GRM7: variants seen among roughly 807,000 people sequenced by gnomAD.
GRM7 encodes the protein glutamate metabotropic receptor 7, also known as metabotropic glutamate receptor 7.
In GRM7, 35 loss-of-function variants were observed where a neutral mutation model predicts 84.5. The ratio of observed to expected loss-of-function variants is 0.41; its 90% CI spans 0.32 to 0.55. GRM7 has a LOEUF of 0.55. Ranked by LOEUF, GRM7 falls within the 20% of genes least tolerant of loss-of-function variation. The pLI is 0.19. For missense variants in GRM7, 1,003 were observed against 1,194.6 expected, an observed-to-expected ratio of 0.84 and a Z score of 2.36; for synonymous variants, 487 against 455.1, an observed-to-expected ratio of 1.07 and a Z score of -0.89.
intron 2 of GRM7, among the ~76,000 whole-genome samples, chr3:7,221,804 A>ATTTTTTTTTTTTTTTT (rs540956206): frequency 4.1e-5 from 4 of 97,352 alleles, no homozygotes; most frequent in East Asian, 3.0e-4. Flanking sequence ...AATTTCTTGT[A>ATTTTTTTTTTTTTTTT]TTTTTTTTTT....
At chr3:7,063,167 GTC>G (rs1272101886) in intron 1 of GRM7, among the ~76,000 whole-genome samples, 2 of 151,718 alleles carry the variant, frequency 1.3e-5, no homozygotes, top group Admixed American at 6.6e-5. Context: ...ATGGGTATGG[GTC>G]TTGTGACACA....
intron 9 of GRM7, among the ~76,000 whole-genome samples, chr3:7,735,473 T>C (rs1702472217): frequency 6.8e-6 from 1 of 147,242 alleles, no homozygotes; most frequent in Admixed American, 6.7e-5. Context: ...TATTTCTTTT[T>C]TGATTTGCTA....
In GRM7 at chr3:7,031,215, T is replaced by C. The variant is rs74360707; in HGVS notation, c.520-115237T>C. 1.4e-3 allele frequency among the ~76,000 whole-genome samples: 210 copies of C among 152,174 alleles called. No homozygotes were observed. The Middle Eastern group carries it at 0.024, about 17-fold the overall frequency. On this transcript the variant is annotated intron_variant, in intron 1 of 9. Coordinates refer to ENST00000357716, the MANE Select transcript of GRM7 (RefSeq NM_000844.4). Reference sequence around the variant, plus strand: ...TTCTCTCCTTGTTTTATACTCAGTATGTTTGCTGTCTTTTGCTACAATCAA... The same window carrying C: ...TTCTCTCCTTGTTTTATACTCAGTACGTTTGCTGTCTTTTGCTACAATCAA...
chr3:7,456,810 G>A (rs903842143), intron 6 of GRM7, among the ~76,000 whole-genome samples: 5 of 151,922 alleles, frequency 3.3e-5, no homozygotes, highest in Non-Finnish European at 7.4e-5. Context: ...CCAAGACACT[G>A]CAGTATTCAT....
intron 5 of GRM7, among the ~76,000 whole-genome samples, chr3:7,421,465 G>A (rs905477194): frequency 1.3e-5 from 2 of 152,122 alleles, no homozygotes; most frequent in African/African-American, 4.8e-5. Flanking sequence ...CTATTGTTTT[G>A]TAGAAATTCA....
chr3:7,258,611 A>T (rs930329979), intron 2 of GRM7, among the ~76,000 whole-genome samples: 6 of 152,242 alleles, frequency 3.9e-5, no homozygotes, highest in African/African-American at 1.4e-4. Context: ...CCAATTTTTA[A>T]AAAGTAGATA....
At chr3:7,283,599 T>C (rs1268584482) in intron 2 of GRM7, among the ~76,000 whole-genome samples, 1 of 152,098 alleles carries the variant, frequency 6.6e-6, no homozygotes, top group East Asian at 1.9e-4. Flanking sequence ...GAGAAAGATT[T>C]GGAGGGGGTT....
chr3:7,367,075 T>G (rs1693925773), intron 4 of GRM7, among the ~76,000 whole-genome samples: 1 of 151,892 alleles, frequency 6.6e-6, no homozygotes, highest in Non-Finnish European at 1.5e-5. Context: ...GTTGTGCTAG[T>G]TAAGGTTTTC....
chr3:7,302,422 A>G (rs1252639597), intron 3 of GRM7, among the ~76,000 whole-genome samples: 2 of 152,146 alleles, frequency 1.3e-5, no homozygotes, highest in Admixed American at 1.3e-4. Flanking sequence ...ATTTTACATA[A>G]ATATACTAAA....
chr3:7,254,598 G>A, intron 2 of GRM7, among the ~76,000 whole-genome samples: 1 of 152,188 alleles, frequency 6.6e-6, no homozygotes, highest in East Asian at 1.9e-4. Flanking sequence ...AGGAATGAGT[G>A]TCACTTTCTT....
chr3:7,184,233 C>A (rs772762116), intron 2 of GRM7, among the ~76,000 whole-genome samples: 1 of 152,040 alleles, frequency 6.6e-6, no homozygotes, highest in Non-Finnish European at 1.5e-5. Flanking sequence ...ATAAGCTATT[C>A]CCTTCTCCGA....
intron 2 of GRM7, among the ~76,000 whole-genome samples, chr3:7,229,760 T>TATATATA (rs68069165): frequency 1.2e-3 from 28 of 23,444 alleles, no homozygotes; most frequent in South Asian, 1.8e-3. Flanking sequence ...TATATATATA[T>TATATATA]TTTTTTTTTT....
intron 1 of GRM7, among the ~76,000 whole-genome samples, chr3:6,902,850 T>TACACACACAGACAC (rs1696438136): frequency 7.4e-6 from 1 of 134,432 alleles, no homozygotes; most frequent in Non-Finnish European, 1.7e-5. Context: ...AACAGACTCC[T>TACACACACAGACAC]ACACACACAC....
chr3:7,347,149 G>T (rs17047182), intron 4 of GRM7, among the ~76,000 whole-genome samples: 76 of 152,052 alleles, frequency 5.0e-4, no homozygotes, highest in Admixed American at 1.6e-3. Context: ...AAATGTCATC[G>T]CAGTTCCAAA....
intron 1 of GRM7, among the ~76,000 whole-genome samples, chr3:6,929,140 C>G (rs1021808794): frequency 6.6e-5 from 10 of 152,176 alleles, no homozygotes; most frequent in Admixed American, 1.3e-4. Flanking sequence ...AAATCACAGT[C>G]AAAGCATTCT....
At chr3:7,205,859 C>G (rs1309331492) in intron 2 of GRM7, among the ~76,000 whole-genome samples, 2 of 152,200 alleles carry the variant, frequency 1.3e-5, no homozygotes, top group Non-Finnish European at 2.9e-5. Flanking sequence ...TTTGAACCAT[C>G]TAAGTGTTAA....
intron 1 of GRM7, among the ~76,000 whole-genome samples, chr3:6,932,900 A>C (rs974291548): frequency 1.5e-5 from 2 of 135,200 alleles, no homozygotes; most frequent in East Asian, 4.5e-4. Flanking sequence ...GATCACAGGC[A>C]CCTACCACCA....
In GRM7 at chr3:7,558,249, T is replaced by G. The variant is rs538088970; in HGVS notation, c.1516-20173T>G. Among the ~76,000 whole-genome samples the G allele has an allele frequency of 9.9e-5, 15 of 152,246 alleles. No individual in the cohort carries two copies. In the South Asian group the frequency reaches 3.1e-3, roughly 32 times the overall value. On this transcript the variant is annotated intron_variant, in intron 7 of 9. Coordinates refer to ENST00000357716, the MANE Select transcript of GRM7 (RefSeq NM_000844.4). ...TCAGGGGAATAATTCTTACCTTATG[T>G]AGTTTTTAATGAGGATTAGAGATAG...
rs573299515 is a variant in GRM7 at position 7,566,869 on chromosome 3, C to T, written c.1516-11553C>T. On this transcript the variant is annotated intron_variant, in intron 7 of 9. Coordinates refer to ENST00000357716, the MANE Select transcript of GRM7 (RefSeq NM_000844.4). The stretch of plus-strand genomic sequence containing the variant: ...TTTACTTAGGGGTATAGAAAGGTTT[C>T]GCAAAGACAGACCTAGATTTACTTT... Among the ~76,000 whole-genome samples the T allele has an allele frequency of 1.5e-3, 233 of 152,184 alleles. 1 individual carries two copies. The highest frequency in any genetic ancestry group is 2.9e-3 in the Non-Finnish European group (195 of 68,006).
Sources: allele counts gnomAD v4.1 joint callset (sites outside exome capture counted in the v4.1 genomes callset), GRCh38; gene constraint gnomAD v4.1.1; transcripts MANE v1.5; gene names NCBI Gene and HGNC (gene_info 2026-07-23, HGNC 2026-07-21).